Variants in STK32B observed in about 807,000 individuals in gnomAD.
STK32B encodes the protein serine/threonine kinase 32B.
A neutral mutation model predicts 52.6 loss-of-function variants in STK32B; 43 were observed. That is an observed-to-expected ratio of 0.82 (90% confidence interval 0.64 to 1.05). The LOEUF is 1.05. Among genes scored for constraint, STK32B ranks in the 50% least tolerant of loss-of-function variants. STK32B has a pLI of 0.00. For missense variants in STK32B, 621 were observed against 534.6 expected (o/e 1.16, Z -1.59); for synonymous variants, 238 against 204.3 (o/e 1.17, Z -1.41).
rs1261319860 is a variant in STK32B, at chr4:5,399,064, G to A, written c.472+820G>A. On this transcript the variant is annotated intron_variant, in intron 5 of 11. Transcript: ENST00000282908. This position sits in a 1 kb window ranked among gnomAD's most constrained non-coding sequence, Gnocchi z 5.4. ...TGCCCACAAAGTTTAAGAACCATGA[G>A]CCTAGGGCTCAGATCAAGAATGCTC... 6.6e-6 allele frequency among the ~76,000 whole-genome samples: 1 copy of A among 150,986 alleles called. No homozygotes were observed. Among genetic ancestry groups the A allele is most frequent in the African/African-American group, 2.4e-5 (1 of 41,392 alleles).
chr4:5,356,461 C>T (rs1424148679), intron 4 of STK32B, among the ~76,000 whole-genome samples: 1 of 152,276 alleles, frequency 6.6e-6, no homozygotes, highest in South Asian at 2.1e-4. Context: ...CCATTCAGCC[C>T]ACTACAATCA....
rs1187248021 is a variant in STK32B at position 5,466,715 on chromosome 4, A to C, written c.922A>C (p.Asn308His). 2 of 1,613,326 alleles carry C rather than the reference A, an allele frequency of 1.2e-6. No homozygotes were observed. The highest frequency in any genetic ancestry group is 1.7e-6 in the Non-Finnish European group (2 of 1,179,774). ...PGFVPNKGRL[N>H]CDPTFELEEM... Reference sequence around the variant, plus strand: ...TACTCCCCTTTAGAAAGGGAGGTTGAACTGCGATCCCACATTTGAGCTTGA... The same window carrying C: ...TACTCCCCTTTAGAAAGGGAGGTTGCACTGCGATCCCACATTTGAGCTTGA... The change falls in exon 10 of 12, where the codon AAC becomes CAC. Residue 308 changes from asparagine to histidine, a missense_variant. Asn to His is a moderately conservative substitution (Grantham distance 68). Coordinates refer to ENST00000282908, the MANE Select transcript of STK32B (RefSeq NM_018401.3).
chr4:5,488,814 T>C (rs1719440809), intron 11 of STK32B, among the ~76,000 whole-genome samples: 1 of 152,150 alleles, frequency 6.6e-6, no homozygotes, highest in South Asian at 2.1e-4. Flanking sequence ...CTTTTATATC[T>C]TGTTTCTATT....
At chr4:5,019,721 A>G in the STK32B span, among the ~76,000 whole-genome samples, 3 of 152,132 alleles carry the variant, frequency 2.0e-5, no homozygotes, top group African/African-American at 7.2e-5. Flanking sequence ...TTCTTTCTGC[A>G]CAGGGACTTT....
chr4:5,233,520 A>G (rs527580212), intron 3 of STK32B, among the ~76,000 whole-genome samples: 1 of 152,196 alleles, frequency 6.6e-6, no homozygotes, highest in African/African-American at 2.4e-5. Context: ...GGGGACGGAA[A>G]GGTATGAGGG....
intron 3 of STK32B, among the ~76,000 whole-genome samples, chr4:5,200,500 C>T (rs536140716): frequency 6.6e-6 from 1 of 152,150 alleles, no homozygotes; most frequent in Admixed American, 6.5e-5. Flanking sequence ...CTCCCCTTCT[C>T]CTCCAGGTCC....
chr4:5,160,867 A>G (rs13121814), intron 2 of STK32B, among the ~76,000 whole-genome samples: 42,739 of 151,988 alleles, frequency 0.28, 6,362 homozygotes, highest in Non-Finnish European at 0.33. Context: ...TCACACAGGG[A>G]GGTCAGAGTT....
intron 4 of STK32B, among the ~76,000 whole-genome samples, chr4:5,334,372 T>A (rs553792531): frequency 7.8e-4 from 119 of 152,222 alleles, no homozygotes; most frequent in Middle Eastern, 6.8e-3. Flanking sequence ...TTAAGGAGAT[T>A]TTGGGCTGAG....
At chr4:5,140,116 C>A in intron 2 of STK32B, 156 bp downstream of exon 2, 4 of 1,398,084 alleles carry the variant, frequency 2.9e-6, no homozygotes, top group Non-Finnish European at 4.0e-6. Flanking sequence ...AGTTTCCTTG[C>A]GATCTGGTGT....
At chr4:5,264,125 C>G (rs901230207) in intron 3 of STK32B, among the ~76,000 whole-genome samples, 3 of 152,112 alleles carry the variant, frequency 2.0e-5, no homozygotes, top group Admixed American at 1.3e-4. Flanking sequence ...GTGAACATTC[C>G]TGTGTACGTG....
chr4:5,455,205 G>T (rs1223164659), intron 7 of STK32B, among the ~76,000 whole-genome samples: 1 of 152,230 alleles, frequency 6.6e-6, no homozygotes, highest in Non-Finnish European at 1.5e-5. Context: ...GCCCTACCAA[G>T]GATCGGGACC....
intron 3 of STK32B, among the ~76,000 whole-genome samples, chr4:5,246,997 C>T (rs528432934): frequency 6.6e-6 from 1 of 152,310 alleles, no homozygotes; most frequent in Non-Finnish European, 1.5e-5. Context: ...GGGGGTACCT[C>T]CCTGTTAGGC....
intron 4 of STK32B, among the ~76,000 whole-genome samples, chr4:5,355,467 T>G (rs992390530): frequency 6.6e-6 from 1 of 152,194 alleles, no homozygotes; most frequent in Admixed American, 6.5e-5. Flanking sequence ...AAGAAATGCT[T>G]TTATTTGTTC....
the STK32B span, among the ~76,000 whole-genome samples, chr4:5,023,181 C>T: frequency 5.9e-5 from 9 of 152,254 alleles, no homozygotes; most frequent in East Asian, 1.9e-4. Flanking sequence ...GCCTCCAAAA[C>T]GGGCCCAGTT....
In STK32B at chr4:5,373,186, C is replaced by A. The variant is rs187911115; in HGVS notation, c.435-25021C>A. On this transcript the variant is annotated intron_variant, in intron 4 of 11. Coordinates refer to ENST00000282908, the MANE Select transcript of STK32B (RefSeq NM_018401.3). ...CTAGGCACTCATGCATATAGCTCGC[C>A]CAGCTATATTAGGATTCTCCAGAGA... is the stretch of plus-strand genomic sequence containing the variant. 1.7e-3 allele frequency among the ~76,000 whole-genome samples: 259 copies of A among 152,118 alleles called. 1 individual carries two copies. Among genetic ancestry groups the A allele is most frequent in the Middle Eastern group, 3.4e-3 (1 of 294 alleles).
chr4:5,100,801 C>CTG (rs374041243), intron 1 of STK32B, among the ~76,000 whole-genome samples: 7 of 120,702 alleles, frequency 5.8e-5, no homozygotes, highest in Admixed American at 1.7e-4. Flanking sequence ...TATTCCTTCC[C>CTG]CTTCCTTCCT....
At chr4:5,355,399 T>G (rs1257741092) in intron 4 of STK32B, among the ~76,000 whole-genome samples, 1 of 152,278 alleles carries the variant, frequency 6.6e-6, no homozygotes, top group South Asian at 2.1e-4. Flanking sequence ...TACCTCCATT[T>G]CTTCCAAGTT....
At chr4:5,306,830 C>T (rs1729956223) in intron 3 of STK32B, among the ~76,000 whole-genome samples, 1 of 151,100 alleles carries the variant, frequency 6.6e-6, no homozygotes, top group South Asian at 2.1e-4. Context: ...GTAATGCTGG[C>T]TTGGTAGTGG....
intron 1 of STK32B, among the ~76,000 whole-genome samples, chr4:5,063,873 T>C (rs758623197): frequency 2.0e-5 from 3 of 152,186 alleles, no homozygotes; most frequent in Non-Finnish European, 2.9e-5. Context: ...GAGCATACAA[T>C]AGTATTTCAT....
Sources: allele counts gnomAD v4.1 joint callset (sites outside exome capture counted in the v4.1 genomes callset), GRCh38; gene constraint gnomAD v4.1.1; non-coding constraint Gnocchi (gnomAD v3.1); transcripts MANE v1.5; gene names NCBI Gene and HGNC (gene_info 2026-07-23, HGNC 2026-07-21).